Variants in UST observed in about 807,000 individuals in gnomAD.
UST encodes the protein chondroitin sulfate 2-O-sulfotransferase.
Under a neutral mutation model 45.6 loss-of-function variants are expected in UST, and 21 were observed. That is an observed-to-expected ratio of 0.46 (90% CI 0.33 to 0.66). The LOEUF (loss-of-function observed/expected upper bound fraction) is 0.66, where lower values mean the gene tolerates loss of function less well. Among genes scored for constraint, UST ranks in the 30% least tolerant of loss-of-function variants. The pLI is 0.02. For missense variants in UST, 463 were observed against 512.4 expected, an observed-to-expected ratio of 0.90 and a Z score of 0.93; for synonymous variants, 215 against 200.6, an observed-to-expected ratio of 1.07 and a Z score of -0.61.
In UST at chr6:148,894,814, C is replaced by CTTTTTT. The variant is rs760698349; in HGVS notation, c.291+7802_291+7807dup. Among the ~76,000 whole-genome samples the CTTTTTT allele has an allele frequency of 5.2e-3, 484 of 93,624 alleles. 41 individuals are homozygous for CTTTTTT. Among genetic ancestry groups the CTTTTTT allele is most frequent in the African/African-American group, 0.019 (410 of 22,108 alleles). The allele number at this position is 93,624 out of a possible 152,430, so 61.4% of individuals were successfully genotyped here. Reference sequence around the variant, plus strand: ...GAAGCTTATCAGGATAATTTCAGTGCTTTTTTTTTTTTTTTTTTTTTTGAG... The same window carrying CTTTTTT: ...GAAGCTTATCAGGATAATTTCAGTGCTTTTTTTTTTTTTTTTTTTTTTTTTTTTGAG... On this transcript the variant is annotated intron_variant, in intron 2 of 7. Coordinates refer to ENST00000367463, the MANE Select transcript of UST (RefSeq NM_005715.3).
At chr6:148,752,627 C>T (rs980301052) in intron 1 of UST, among the ~76,000 whole-genome samples, 3 of 152,218 alleles carry the variant, frequency 2.0e-5, no homozygotes, top group African/African-American at 7.2e-5. Flanking sequence ...TATCTAAATA[C>T]TGTCTTTCTT....
rs538683073 is a variant in UST at position 148,915,467 on chromosome 6, G to A, written c.292-25812G>A. ...AGGAAAAAAAAGCCCTACCTCCCAGGTCAGCCAGTCCCAGACCCCAAACAA... is the reference window on the plus strand; with the variant it reads ...AGGAAAAAAAAGCCCTACCTCCCAGATCAGCCAGTCCCAGACCCCAAACAA... On this transcript the variant is annotated intron_variant, in intron 2 of 7. Coordinates refer to ENST00000367463, the MANE Select transcript of UST (RefSeq NM_005715.3). Among the ~76,000 whole-genome samples the A allele has an allele frequency of 9.2e-5, 14 of 152,240 alleles. No individual in the cohort carries two copies. The East Asian group carries it at 2.7e-3, about 29-fold the overall frequency.
chr6:148,974,842 G>A (rs1780985781), intron 5 of UST, among the ~76,000 whole-genome samples: 1 of 152,206 alleles, frequency 6.6e-6, no homozygotes, highest in South Asian at 2.1e-4. Context: ...CTAAAAGTTT[G>A]CATATGCATC....
At chr6:149,031,833 C>T (rs913161137) in intron 7 of UST, among the ~76,000 whole-genome samples, 2 of 152,188 alleles carry the variant, frequency 1.3e-5, no homozygotes, top group African/African-American at 4.8e-5. Context: ...GCTGGAAGGC[C>T]GTCACTAACA....
At chr6:149,022,023 A>T (rs1296665558) in intron 7 of UST, among the ~76,000 whole-genome samples, 1 of 152,238 alleles carries the variant, frequency 6.6e-6, no homozygotes, top group Non-Finnish European at 1.5e-5. Context: ...TTTTATCCTA[A>T]CAAACCGAGT....
intron 1 of UST, among the ~76,000 whole-genome samples, chr6:148,877,281 A>G (rs1228068769): frequency 5.8e-3 from 36 of 6,240 alleles, no homozygotes; most frequent in South Asian, 0.019. Context: ...GAGTGCGGGG[A>G]GTTGTGTATG....
intron 7 of UST, among the ~76,000 whole-genome samples, chr6:149,048,461 G>T (rs1333455444): frequency 6.6e-6 from 1 of 151,614 alleles, no homozygotes; most frequent in African/African-American, 2.4e-5. Flanking sequence ...GCTTGAACCT[G>T]GGGGGCAGAG....
intron 7 of UST, among the ~76,000 whole-genome samples, chr6:149,023,703 T>C (rs1310205467): frequency 6.6e-6 from 1 of 152,154 alleles, no homozygotes; most frequent in Non-Finnish European, 1.5e-5. Context: ...GCACAGGGGT[T>C]GTGGACCTGA....
intron 1 of UST, among the ~76,000 whole-genome samples, chr6:148,781,291 G>T (rs1776639991): frequency 6.6e-6 from 1 of 152,166 alleles, no homozygotes; most frequent in Non-Finnish European, 1.5e-5. Context: ...AGAAAGCTAA[G>T]GAGCCTCATT....
chr6:149,074,161 G>A lies in UST; in HGVS notation c.*45G>A, dbSNP rs1408389071. The stretch of plus-strand genomic sequence containing the variant: ...TGGCTTTATCTCCCTTTTCCAGAAA[G>A]TTCTTTGTTTGGGGAAGTAAAATCC... On this transcript the variant is annotated 3_prime_UTR_variant, in exon 8 of 8. Coordinates refer to ENST00000367463, the MANE Select transcript of UST (RefSeq NM_005715.3). The A allele has an allele frequency of 2.5e-6, 4 of 1,589,588 alleles. No homozygotes were observed. The South Asian group carries it at 4.5e-5, about 18-fold the overall frequency.
intron 1 of UST, among the ~76,000 whole-genome samples, chr6:148,827,743 A>C (rs1777600767): frequency 6.6e-6 from 1 of 150,600 alleles, no homozygotes. Flanking sequence ...AAAAAAAAAA[A>C]CCAACAACAA....
chr6:149,026,539 CA>C (rs1384226844), intron 7 of UST, among the ~76,000 whole-genome samples: 2 of 152,232 alleles, frequency 1.3e-5, no homozygotes, highest in South Asian at 2.1e-4. Flanking sequence ...GCTAAAATCT[CA>C]GTGGTGGTAA....
Position 149,075,256 on chromosome 6 carries a change from A to G in UST, c.*1140A>G, listed in dbSNP as rs950988812. 2.6e-5 allele frequency: 4 copies of G among 152,148 alleles called. No homozygotes were observed. The highest frequency in any genetic ancestry group is 9.7e-5 in the African/African-American group (4 of 41,420). The allele number at this position is 152,148 out of a possible 1,614,324, so 9.4% of individuals were successfully genotyped here. On this transcript the variant is annotated 3_prime_UTR_variant, in exon 8 of 8. Transcript: ENST00000367463. Reference sequence around the variant, plus strand: ...CCCTGGCCAAGTTGGGTCCTATAGGACCTGGTACTATGTACTATTGTAACT... The same window carrying G: ...CCCTGGCCAAGTTGGGTCCTATAGGGCCTGGTACTATGTACTATTGTAACT...
At chr6:149,037,078 G>A (rs1776248758) in intron 7 of UST, among the ~76,000 whole-genome samples, 1 of 152,118 alleles carries the variant, frequency 6.6e-6, no homozygotes, top group African/African-American at 2.4e-5. Flanking sequence ...TGCACAGATG[G>A]CGGCACAGGC....
In UST at chr6:149,038,560, T is replaced by C. The variant is rs114266128; in HGVS notation, c.937+17079T>C. Among the ~76,000 whole-genome samples, 145 of 152,216 alleles carry C rather than the reference T, an allele frequency of 9.5e-4. 1 individual carries two copies. Among genetic ancestry groups the C allele is most frequent in the African/African-American group, 3.4e-3 (140 of 41,534 alleles). Reference sequence around the variant, plus strand: ...TCTTCCAACCCATCAATTCTAGTTTTCAAAACTATGAGAGAATAAACTTCT... The same window carrying C: ...TCTTCCAACCCATCAATTCTAGTTTCCAAAACTATGAGAGAATAAACTTCT... On this transcript the variant is annotated intron_variant, in intron 7 of 7. Transcript: ENST00000367463.
intron 2 of UST, among the ~76,000 whole-genome samples, chr6:148,930,768 G>T (rs1049778142): frequency 6.6e-6 from 1 of 152,138 alleles, no homozygotes; most frequent in Non-Finnish European, 1.5e-5. Flanking sequence ...GGCCATTATC[G>T]TACCAATCTG....
At chr6:148,964,719 G>A (rs1380351812) in intron 5 of UST, 156 bp downstream of exon 5, 5 of 874,738 alleles carry the variant, frequency 5.7e-6, no homozygotes, top group South Asian at 3.6e-5. Context: ...AGGTCTTGGC[G>A]AGAGAAACTG....
At chr6:148,756,802 A>G (rs1211602807) in intron 1 of UST, among the ~76,000 whole-genome samples, 1 of 152,214 alleles carries the variant, frequency 6.6e-6, no homozygotes, top group Non-Finnish European at 1.5e-5. Context: ...ACAGGCCCTC[A>G]GGAAGTGGCT....
intron 5 of UST, among the ~76,000 whole-genome samples, chr6:149,018,765 C>T (rs1032080845): frequency 6.6e-6 from 1 of 152,190 alleles, no homozygotes; most frequent in Non-Finnish European, 1.5e-5. Context: ...ATGCAACAAA[C>T]ATTTATTAAT....
Sources: allele counts gnomAD v4.1 joint callset (sites outside exome capture counted in the v4.1 genomes callset), GRCh38; gene constraint gnomAD v4.1.1; transcripts MANE v1.5; gene names NCBI Gene and HGNC (gene_info 2026-07-23, HGNC 2026-07-21).